FBLN7: variants seen among roughly 807,000 people sequenced by gnomAD.
FBLN7 encodes fibulin 7.
FBLN7 carries 31 observed loss-of-function variants against 44.0 expected under a neutral mutation model. The observed-to-expected ratio is 0.70, with a 90% CI of 0.53 to 0.95. The LOEUF is 0.95. FBLN7 is among the 40% of genes least tolerant of loss of function. The probability of loss-of-function intolerance (pLI) is 0.00; values close to 1 mark genes in which losing one functional copy is unlikely to be tolerated. For synonymous variants in FBLN7, 262 were observed against 253.4 expected (o/e 1.03, Z -0.32); for missense variants, 573 against 618.5 (o/e 0.93, Z 0.78).
intron 1 of FBLN7, among the ~76,000 whole-genome samples, chr2:112,140,275 G>C (rs542061144): frequency 1.5e-5 from 2 of 134,274 alleles, no homozygotes; most frequent in African/African-American, 2.8e-5. Flanking sequence ...CCTCTCTCCA[G>C]GTCAGTGTCC....
intron 3 of FBLN7, among the ~76,000 whole-genome samples, chr2:112,171,948 C>T (rs897962849): frequency 2.6e-5 from 4 of 152,168 alleles, no homozygotes; most frequent in African/African-American, 7.2e-5. Flanking sequence ...AGGGTTTCAC[C>T]GTGTTAGCCA....
At chr2:112,233,452 A>G in the FBLN7 span, 1 of 925,386 alleles carries the variant, frequency 1.1e-6, no homozygotes, top group Non-Finnish European at 1.6e-6. Flanking sequence ...TAAACTTTAA[A>G]TAAGCAAATG....
the FBLN7 span, among the ~76,000 whole-genome samples, chr2:112,205,851 C>T: frequency 6.6e-6 from 1 of 152,066 alleles, no homozygotes; most frequent in Admixed American, 6.5e-5. Flanking sequence ...TCTATACGTA[C>T]AAAAAATTAT....
chr2:112,182,024 T>C (rs895081310), intron 5 of FBLN7, 148 bp downstream of exon 5: 1 of 984,474 alleles, frequency 1.0e-6, no homozygotes, highest in Non-Finnish European at 1.4e-6. Context: ...TATAGGTAAG[T>C]GTTGACCTAG....
chr2:112,146,080 G>T lies in FBLN7; in HGVS notation c.75+7350G>T, dbSNP rs539504260. ...TCACGCCTGTAATCCCAGCACTTTG[G>T]GAGGGCAAGGTGGGCAGACCACCTG... is the stretch of plus-strand genomic sequence containing the variant. On this transcript the variant is annotated intron_variant, in intron 1 of 7. Transcript: ENST00000331203. Among the ~76,000 whole-genome samples the T allele has an allele frequency of 2.0e-5, 3 of 152,334 alleles. No individual in the cohort carries two copies. The South Asian group carries it at 6.2e-4, about 32-fold the overall frequency.
chr2:112,210,026 G>C, the FBLN7 span, among the ~76,000 whole-genome samples: 443 of 151,916 alleles, frequency 2.9e-3, 2 homozygotes, highest in African/African-American at 9.7e-3. Flanking sequence ...TCTGAGCCTG[G>C]GGAGGGTGAG....
chr2:112,174,563 T>C (rs1288141965), intron 3 of FBLN7, among the ~76,000 whole-genome samples: 1 of 152,190 alleles, frequency 6.6e-6, no homozygotes, highest in Non-Finnish European at 1.5e-5. Context: ...GTGTTTTCAG[T>C]TTTCTTTCCG....
At chr2:112,164,509 G>A (rs559238337) in intron 2 of FBLN7, among the ~76,000 whole-genome samples, 1 of 152,338 alleles carries the variant, frequency 6.6e-6, no homozygotes, top group East Asian at 1.9e-4. Context: ...AACACGCGGG[G>A]AGGTGGTGGC....
At chr2:112,148,879 G>A (rs2104543537) in intron 1 of FBLN7, among the ~76,000 whole-genome samples, 1 of 152,348 alleles carries the variant, frequency 6.6e-6, no homozygotes, top group South Asian at 2.1e-4. Flanking sequence ...GTTGGCCAAA[G>A]CAAGCCACAA....
intron 1 of FBLN7, among the ~76,000 whole-genome samples, chr2:112,144,760 T>C (rs2104537321): frequency 6.6e-6 from 1 of 152,244 alleles, no homozygotes; most frequent in East Asian, 1.9e-4. Flanking sequence ...CTCTTGACCT[T>C]GTGATCCACC....
At chr2:112,148,233 A>G (rs1680983302) in intron 1 of FBLN7, among the ~76,000 whole-genome samples, 1 of 152,188 alleles carries the variant, frequency 6.6e-6, no homozygotes, top group African/African-American at 2.4e-5. Flanking sequence ...GTCCAGGTTG[A>G]GATGGCTCCT....
chr2:112,240,473 T>G, the FBLN7 span: 1 of 152,182 alleles, frequency 6.6e-6, no homozygotes, highest in Non-Finnish European at 1.5e-5. Context: ...TACATAGAGG[T>G]GAGATTTTCT....
intron 1 of FBLN7, among the ~76,000 whole-genome samples, chr2:112,142,843 C>G (rs1680720196): frequency 6.6e-6 from 1 of 151,626 alleles, no homozygotes; most frequent in South Asian, 2.1e-4. Flanking sequence ...GCATTGGTAC[C>G]TGTGGTTGTG....
chr2:112,190,790 T>C (rs1683460464), downstream of FBLN7, among the ~76,000 whole-genome samples: 1 of 152,222 alleles, frequency 6.6e-6, no homozygotes, highest in African/African-American at 2.4e-5. Context: ...TAGTGGGGGA[T>C]GGTAATTAGA....
chr2:112,186,184 C>A (rs780545791), intron 7 of FBLN7, among the ~76,000 whole-genome samples: 39 of 152,082 alleles, frequency 2.6e-4, no homozygotes, highest in Non-Finnish European at 5.1e-4. Flanking sequence ...GGGCATTCGA[C>A]CAACAGCTGG....
At chr2:112,182,077 C>T in intron 5 of FBLN7, 2 of 672,240 alleles carry the variant, frequency 3.0e-6, no homozygotes, top group Non-Finnish European at 4.7e-6. Flanking sequence ...CAGAGCTCGC[C>T]CCGCCTCAGA....
chr2:112,198,264 G>A, the FBLN7 span, among the ~76,000 whole-genome samples: 1 of 152,274 alleles, frequency 6.6e-6, no homozygotes, highest in African/African-American at 2.4e-5. Context: ...CAAGGTGATG[G>A]TGTTACCAAG....
At chr2:112,183,075 C>A in intron 6 of FBLN7, 147 bp downstream of exon 6, 1 of 1,044,346 alleles carries the variant, frequency 9.6e-7, no homozygotes, top group Non-Finnish European at 1.3e-6. Context: ...CAAAGGGCTT[C>A]TCAAAGGTCA....
intron 2 of FBLN7, among the ~76,000 whole-genome samples, chr2:112,160,360 C>G (rs1205891140): frequency 3.9e-5 from 6 of 152,110 alleles, no homozygotes; most frequent in Non-Finnish European, 4.4e-5. Context: ...AAGGCAGCTG[C>G]CCCCTTTCTT....
Sources: gnomAD v4.1 joint callset for allele counts (sites outside exome capture counted in the v4.1 genomes callset) on GRCh38, gnomAD v4.1.1 for gene constraint, MANE v1.5 for transcripts, NCBI Gene and HGNC (gene_info 2026-07-23, HGNC 2026-07-21) for gene names.